The following PDCD11 variants were observed in gnomAD, a reference collection of about 807,000 sequenced individuals.
The protein encoded by PDCD11 is protein RRP5 homolog.
PDCD11 carries 97 observed loss-of-function variants against 198.9 expected under a neutral mutation model. The ratio of observed to expected loss-of-function variants is 0.49; its 90% CI spans 0.41 to 0.58. The LOEUF is 0.58. Among genes scored for constraint, PDCD11 ranks in the 20% least tolerant of loss-of-function variants. The probability of loss-of-function intolerance (pLI) is 0.00; values close to 1 mark genes in which losing one functional copy is unlikely to be tolerated. For synonymous variants in PDCD11, 893 were observed against 918.0 expected (o/e 0.97, Z 0.49); for missense variants, 2,102 against 2,312.7 (o/e 0.91, Z 1.87).
Position 103,438,054 on chromosome 10 carries a change from G to T in PDCD11, c.3885G>T (p.Leu1295Phe). The T allele has an allele frequency of 6.2e-7, 1 of 1,613,694 alleles. No individual in the cohort carries two copies. The highest frequency in any genetic ancestry group is 8.5e-7 in the Non-Finnish European group (1 of 1,179,644). Residue 1295 changes from leucine to phenylalanine, a missense_variant, in exon 26 of 36, where the codon TTG becomes TTT. By Grantham distance (22) the Leu-to-Phe change is conservative. Transcript: ENST00000369797. ...CCACTGCAGACAACGTATTGACTTT[G>T]TCGCTGCGATCATCCAGGTGGGTTT... The part of the protein sequence containing the change: ...ILSTADNVLT[L>F]SLRSSRTNPE...
chr10:103,445,709 G>T lies in PDCD11; in HGVS notation c.*160G>T. 1.7e-6 allele frequency: 1 copy of T among 603,476 alleles called. No individual in the cohort carries two copies. Among genetic ancestry groups the T allele is most frequent in the Non-Finnish European group, 2.9e-6 (1 of 345,128 alleles). The allele number at this position is 603,476 out of a possible 1,614,324, so 37.4% of individuals were successfully genotyped here. On this transcript the variant is annotated 3_prime_UTR_variant, in exon 36 of 36. Transcript: ENST00000369797. The stretch of plus-strand genomic sequence containing the variant: ...CCTGTCAGGATGAAAAGGAAGTTGA[G>T]ATTTTTTAAATCCCTCTTCGCTTGC...
chr10:103,420,949 TACAG>T (rs1196907752), intron 16 of PDCD11, among the ~76,000 whole-genome samples: 2 of 151,880 alleles, frequency 1.3e-5, no homozygotes, highest in African/African-American at 4.8e-5. Flanking sequence ...AATCTCGGCT[TACAG>T]CAACCTCTGC....
At chr10:103,426,799 A>AATC (rs2031713859) in intron 20 of PDCD11, among the ~76,000 whole-genome samples, 1 of 151,634 alleles carries the variant, frequency 6.6e-6, no homozygotes, top group Non-Finnish European at 1.5e-5. Context: ...AAAAAAAAAA[A>AATC]AATCAGGTGA....
rs1281048783 is a variant in PDCD11 at position 103,425,354 on chromosome 10, C to G, written c.3134C>G (p.Ser1045Cys). 5 of 1,614,010 alleles carry G rather than the reference C, an allele frequency of 3.1e-6. No individual in the cohort carries two copies. The African/African-American group carries it at 6.7e-5, about 22-fold the overall frequency. Reference protein sequence around the residue: ...IGDMVTGTVKSIKPTHVVVTL... With the variant: ...IGDMVTGTVKCIKPTHVVVTL... ...GACATGGTCACAGGGACTGTCAAGT[C>G]CATTAAGCCTACCCATGTGGTTGTG... Residue 1045 changes from serine to cysteine, a missense_variant, in exon 20 of 36, where the codon TCC becomes TGC. Coordinates refer to ENST00000369797, the MANE Select transcript of PDCD11 (RefSeq NM_014976.2).
Position 103,444,141 on chromosome 10 carries a change from GCTT to G in PDCD11, c.5278+79_5278+81del, listed in dbSNP as rs1343564025. 17 of 1,353,044 alleles carry G rather than the reference GCTT, an allele frequency of 1.3e-5. No individual in the cohort carries two copies. In the Middle Eastern group the frequency reaches 1.0e-3, roughly 83 times the overall value. The allele number at this position is 1,353,044 out of a possible 1,614,324, so 83.8% of individuals were successfully genotyped here. On this transcript the variant is annotated intron_variant, in intron 34 of 35. Transcript: ENST00000369797. Reference sequence around the variant, plus strand: ...GGGAGTAGGAACTGGCTGTGGCATTGCTTCTTCTAAGTCAGGAGAGCCTTGTGA... The same window carrying G: ...GGGAGTAGGAACTGGCTGTGGCATTGCTTCTAAGTCAGGAGAGCCTTGTGA...
chr10:103,421,077 T>C (rs373423146), intron 16 of PDCD11, among the ~76,000 whole-genome samples: 45 of 152,276 alleles, frequency 3.0e-4, no homozygotes, highest in African/African-American at 1.0e-3. Context: ...GGTTTCACCA[T>C]GTTGGTCAGG....
chr10:103,417,319 G>A (rs1034410470), intron 13 of PDCD11, among the ~76,000 whole-genome samples: 1 of 152,066 alleles, frequency 6.6e-6, no homozygotes, highest in African/African-American at 2.4e-5. Context: ...CTACAGGCAT[G>A]TGCCGGCATA....
chr10:103,423,606 T>C lies in PDCD11; in HGVS notation c.2711T>C (p.Leu904Ser). ...ATCTTAAATGTTGATCTTTTGAAGT[T>C]GGAAGTGCACGTTTCCCTTCACCAG... ...VVILNVDLLK[L>S]EVHVSLHQDL... Residue 904 changes from leucine to serine, a missense_variant, in exon 19 of 36, where the codon TTG becomes TCG. Physicochemically the swap from Leu to Ser is moderately radical, Grantham distance 145. Transcript: ENST00000369797. 1.2e-6 allele frequency: 2 copies of C among 1,614,150 alleles called. No homozygotes were observed. The highest frequency in any genetic ancestry group is 1.6e-4 in the Middle Eastern group (1 of 6,062).
intron 7 of PDCD11, among the ~76,000 whole-genome samples, chr10:103,409,017 G>T (rs1361775512): frequency 6.6e-6 from 1 of 152,084 alleles, no homozygotes; most frequent in Non-Finnish European, 1.5e-5. Flanking sequence ...ACGAGAAAGG[G>T]GCTGGATATT....
At position 103,425,442 on chromosome 10, in the gene PDCD11, G is replaced by A. The variant is rs748137631; in HGVS notation, c.3222G>A (p.Glu1074=). 3.5e-5 allele frequency: 57 copies of A among 1,613,926 alleles called. No individual in the cohort carries two copies. Among genetic ancestry groups the A allele is most frequent in the Middle Eastern group, 1.6e-4 (1 of 6,084 alleles). ...CCCACATTCTAGATGATGTTCCAGA[G>A]GGCACCTCTCCTACTACCAAGCTGA... is the stretch of plus-strand genomic sequence containing the variant. The part of the protein sequence containing the change: ...HASHILDDVP[E]GTSPTTKLKV... The change falls in exon 20 of 36, where the codon GAG becomes GAA. Residue 1074 remains glutamate, a synonymous_variant. Coordinates refer to ENST00000369797, the MANE Select transcript of PDCD11 (RefSeq NM_014976.2).
chr10:103,424,427 A>C lies in PDCD11; in HGVS notation c.2764-557A>C, dbSNP rs574115972. The stretch of plus-strand genomic sequence containing the variant: ...GGAAAGCAATACTAACCTCTCATTC[A>C]GTTTTCTAGCAGGACCCTGTACCAT... On this transcript the variant is annotated intron_variant, in intron 19 of 35. Transcript: ENST00000369797. Among the ~76,000 whole-genome samples the C allele has an allele frequency of 4.6e-5, 7 of 152,370 alleles. No individual in the cohort carries two copies. The South Asian group carries it at 1.2e-3, about 27-fold the overall frequency.
In PDCD11 at chr10:103,445,566, T is replaced by C; in HGVS notation, c.*17T>C. 3 of 1,610,238 alleles carry C rather than the reference T, an allele frequency of 1.9e-6. No individual in the cohort carries two copies. The highest frequency in any genetic ancestry group is 2.5e-6 in the Non-Finnish European group (3 of 1,178,602). On this transcript the variant is annotated 3_prime_UTR_variant, in exon 36 of 36. Coordinates refer to ENST00000369797, the MANE Select transcript of PDCD11 (RefSeq NM_014976.2). Reference sequence around the variant, plus strand: ...GAGGACTAGTGGCAGGCTGGCTCTGTGGGACACTGTCAACAATGGGCCAGC... The same window carrying C: ...GAGGACTAGTGGCAGGCTGGCTCTGCGGGACACTGTCAACAATGGGCCAGC...
At chr10:103,398,366 A>G in intron 1 of PDCD11, 50 bp from the exon 2 acceptor site, 2 of 1,161,774 alleles carry the variant, frequency 1.7e-6, no homozygotes, top group Non-Finnish European at 2.6e-6. Context: ...ACCTTTCTGA[A>G]ATCTGCTACC....
In PDCD11 at chr10:103,404,687, G is replaced by T. The variant is rs61871163; in HGVS notation, c.403-335G>T. On this transcript the variant is annotated intron_variant, in intron 4 of 35. Transcript: ENST00000369797. ...TATGGAACTCATTGGTGATTCTATG[G>T]GAGATAGAGTGGTGGAGTGAGAGGG... Among the ~76,000 whole-genome samples, 518 of 152,358 alleles carry T rather than the reference G, an allele frequency of 3.4e-3. 3 individuals carry two copies. The highest frequency in any genetic ancestry group is 4.5e-3 in the Non-Finnish European group (307 of 68,040).
At chr10:103,397,799 A>AT (rs2093445096) in intron 1 of PDCD11, among the ~76,000 whole-genome samples, 1 of 152,226 alleles carries the variant, frequency 6.6e-6, no homozygotes, top group Non-Finnish European at 1.5e-5. Flanking sequence ...ATAATTCCTC[A>AT]GAGACAACAG....
At chr10:103,416,004 A>C (rs752198509) in intron 12 of PDCD11, among the ~76,000 whole-genome samples, 3 of 152,220 alleles carry the variant, frequency 2.0e-5, no homozygotes, top group Non-Finnish European at 4.4e-5. Flanking sequence ...AAAATTTTAC[A>C]GTAGTGGGAT....
At chr10:103,415,240 A>T (rs1243454536) in intron 12 of PDCD11, 89 bp downstream of exon 12, 1 of 1,332,528 alleles carries the variant, frequency 7.5e-7, no homozygotes, top group East Asian at 2.3e-5. Context: ...CCACAAAGTG[A>T]GTGTGTAATG....
chr10:103,430,116 G>A (rs1020864639), intron 21 of PDCD11, among the ~76,000 whole-genome samples: 5 of 151,708 alleles, frequency 3.3e-5, no homozygotes, highest in African/African-American at 9.7e-5. Context: ...TCAGTCCCCC[G>A]AGTAGCTGGG....
rs140343384 is a variant in PDCD11, at chr10:103,442,366, C to G, written c.4861C>G (p.Leu1621Val). ...GCTGAGCTCCCCCAACAGCTCCATT[C>G]TGTGGCTGCAGTACATGGCTTTCCA... is the stretch of plus-strand genomic sequence containing the variant. ...LVLSSPNSSI[L>V]WLQYMAFHLQ... Residue 1621 changes from leucine to valine, a missense_variant, in exon 32 of 36, where the codon CTG becomes GTG. Leu to Val is a conservative substitution (Grantham distance 32, BLOSUM62 1). Transcript: ENST00000369797. 44 of 1,614,252 alleles carry G rather than the reference C, an allele frequency of 2.7e-5. No homozygotes were observed. The African/African-American group carries it at 4.4e-4, about 16-fold the overall frequency.
Sources: allele counts gnomAD v4.1 joint callset (sites outside exome capture counted in the v4.1 genomes callset), GRCh38; gene constraint gnomAD v4.1.1; transcripts MANE v1.5; gene names NCBI Gene and HGNC (gene_info 2026-07-23, HGNC 2026-07-21).